Variants in MAML2 observed in about 807,000 individuals in gnomAD.
MAML2 encodes the protein mastermind like transcriptional coactivator 2.
MAML2 carries 22 observed loss-of-function variants against 96.1 expected under a neutral mutation model. The ratio of observed to expected loss-of-function variants is 0.23; its 90% CI spans 0.16 to 0.33. The LOEUF is 0.33. MAML2 is among the 10% of genes least tolerant of loss of function. MAML2 has a pLI of 1.00. For missense variants in MAML2, 1,367 were observed against 1,392.4 expected, an observed-to-expected ratio of 0.98 and a Z score of 0.29; for synonymous variants, 561 against 521.3, an observed-to-expected ratio of 1.08 and a Z score of -1.04.
At chr11:96,327,018 T>TA (rs1186224431) in intron 1 of MAML2, among the ~76,000 whole-genome samples, 1 of 152,100 alleles carries the variant, frequency 6.6e-6, no homozygotes, top group African/African-American at 2.4e-5. Flanking sequence ...CAGATAGTGA[T>TA]AAAAATTATG....
At chr11:96,198,574 A>C (rs141056500) in intron 1 of MAML2, among the ~76,000 whole-genome samples, 187 of 152,254 alleles carry the variant, frequency 1.2e-3, no homozygotes, top group African/African-American at 4.1e-3. Context: ...TTACTGGTTC[A>C]CATGTATCTA....
chr11:96,026,731 G>C (rs1253705078), intron 2 of MAML2, among the ~76,000 whole-genome samples: 1 of 151,120 alleles, frequency 6.6e-6, no homozygotes, highest in African/African-American at 2.4e-5. Flanking sequence ...TAGATGGAAA[G>C]GAGGGATGAT....
intron 1 of MAML2, among the ~76,000 whole-genome samples, chr11:96,325,691 C>T (rs1483219099): frequency 6.6e-6 from 1 of 152,062 alleles, no homozygotes; most frequent in Non-Finnish European, 1.5e-5. Flanking sequence ...TACCTTTCAG[C>T]AGTTTCTCTT....
chr11:96,165,206 TA>T (rs975037426), intron 1 of MAML2, among the ~76,000 whole-genome samples: 20 of 152,190 alleles, frequency 1.3e-4, no homozygotes, highest in African/African-American at 2.2e-4. Context: ...TTATTAAGAA[TA>T]TTTTTTTTTG....
intron 2 of MAML2, among the ~76,000 whole-genome samples, chr11:96,047,213 G>T (rs1166125284): frequency 2.0e-5 from 3 of 152,112 alleles, no homozygotes; most frequent in Non-Finnish European, 2.9e-5. Context: ...GCACTTAATA[G>T]CTAATTAAAT....
intron 1 of MAML2, among the ~76,000 whole-genome samples, chr11:96,266,604 G>C (rs1017679799): frequency 6.6e-6 from 1 of 151,880 alleles, no homozygotes; most frequent in Non-Finnish European, 1.5e-5. Flanking sequence ...ATATTGGTGC[G>C]ATTCTGAGCT....
intron 1 of MAML2, among the ~76,000 whole-genome samples, chr11:96,236,712 T>A (rs903029761): frequency 7.5e-4 from 114 of 152,322 alleles, no homozygotes; most frequent in African/African-American, 2.7e-3. Flanking sequence ...TATAACATTG[T>A]TATATGTCAT....
chr11:96,191,770 CA>C (rs11396681), intron 1 of MAML2, among the ~76,000 whole-genome samples: 2,406 of 116,578 alleles, frequency 0.021, 52 homozygotes, highest in Admixed American at 0.092. Flanking sequence ...AACTCTGTCT[CA>C]AAAAAAAAAA....
At chr11:96,279,953 G>C (rs1863042195) in intron 1 of MAML2, among the ~76,000 whole-genome samples, 1 of 152,174 alleles carries the variant, frequency 6.6e-6, no homozygotes, top group South Asian at 2.1e-4. Context: ...TTGAGTGAGT[G>C]CTTTATCAAA....
At chr11:96,281,648 G>C (rs979297050) in intron 1 of MAML2, among the ~76,000 whole-genome samples, 6 of 151,770 alleles carry the variant, frequency 4.0e-5, no homozygotes, top group Non-Finnish European at 8.8e-5. Context: ...AAGTAGAGGG[G>C]ATCACCAGTT....
At chr11:96,038,620 G>C (rs192224110) in intron 2 of MAML2, among the ~76,000 whole-genome samples, 6 of 152,190 alleles carry the variant, frequency 3.9e-5, no homozygotes, top group South Asian at 2.1e-4. Context: ...TGTATTTGCT[G>C]TTTCCTCTAA....
At chr11:96,160,909 A>G (rs1591047139) in intron 1 of MAML2, among the ~76,000 whole-genome samples, 4 of 152,164 alleles carry the variant, frequency 2.6e-5, no homozygotes, top group African/African-American at 9.7e-5. Context: ...TGTGGTTTGA[A>G]CCAGAGTCCC....
At chr11:96,163,652 C>G (rs141536907) in intron 1 of MAML2, among the ~76,000 whole-genome samples, 2 of 152,320 alleles carry the variant, frequency 1.3e-5, no homozygotes, top group East Asian at 3.9e-4. Context: ...TCTAGTCTCT[C>G]TCTACATTTT....
intron 1 of MAML2, among the ~76,000 whole-genome samples, chr11:96,108,571 C>A (rs1281039190): frequency 6.6e-6 from 1 of 152,124 alleles, no homozygotes; most frequent in Non-Finnish European, 1.5e-5. Flanking sequence ...CCTTATAGGG[C>A]TGCGGTAATA....
At chr11:95,999,412 T>C (rs1176317683) in intron 2 of MAML2, among the ~76,000 whole-genome samples, 3 of 152,138 alleles carry the variant, frequency 2.0e-5, no homozygotes, top group African/African-American at 7.2e-5. Context: ...AAAGGTAGAA[T>C]GGGGTACAAA....
At chr11:96,180,509 A>C (rs889946458) in intron 1 of MAML2, among the ~76,000 whole-genome samples, 1 of 152,196 alleles carries the variant, frequency 6.6e-6, no homozygotes, top group African/African-American at 2.4e-5. Flanking sequence ...CTGACTGCTC[A>C]AGTTAAGATC....
At chr11:96,336,907 C>T (rs1202125731) in intron 1 of MAML2, among the ~76,000 whole-genome samples, 3 of 152,176 alleles carry the variant, frequency 2.0e-5, no homozygotes, top group Admixed American at 6.5e-5. Context: ...ACATCACCTA[C>T]CAATATTATT....
intron 1 of MAML2, among the ~76,000 whole-genome samples, chr11:96,141,155 C>T (rs1189014085): frequency 6.6e-6 from 1 of 152,070 alleles, no homozygotes; most frequent in Non-Finnish European, 1.5e-5. Context: ...TGACATCCTT[C>T]TGGTGAGGTG....
intron 1 of MAML2, among the ~76,000 whole-genome samples, chr11:96,281,861 C>A (rs780230783): frequency 6.6e-5 from 10 of 151,926 alleles, no homozygotes; most frequent in African/African-American, 2.2e-4. Context: ...CAGAGCAAGA[C>A]CTGTCTCAAA....
Sources: gnomAD v4.1 joint callset for allele counts (sites outside exome capture counted in the v4.1 genomes callset) on GRCh38, gnomAD v4.1.1 for gene constraint, MANE v1.5 for transcripts, NCBI Gene and HGNC (gene_info 2026-07-23, HGNC 2026-07-21) for gene names.